The following ZC3H6 variants were observed in gnomAD, a reference collection of about 807,000 sequenced individuals.
The protein encoded by ZC3H6 is zinc finger CCCH-type containing 6.
ZC3H6 carries 40 observed loss-of-function variants against 107.7 expected under a neutral mutation model. That is an observed-to-expected ratio of 0.37 (90% CI 0.29 to 0.48). The LOEUF (loss-of-function observed/expected upper bound fraction) is 0.48, where lower values mean the gene tolerates loss of function less well. Ranked by LOEUF, ZC3H6 falls within the 20% of genes least tolerant of loss-of-function variation. The pLI is 0.98. For synonymous variants in ZC3H6, 493 were observed against 487.9 expected (o/e 1.01, Z -0.14); for missense variants, 1,267 against 1,410.4 (o/e 0.90, Z 1.63).
intron 1 of ZC3H6, among the ~76,000 whole-genome samples, chr2:112,289,580 C>G (rs1676060587): frequency 6.6e-6 from 1 of 152,118 alleles, no homozygotes; most frequent in South Asian, 2.1e-4. Context: ...CTGCCTCGGC[C>G]TCCCAAAGTG....
In ZC3H6 at chr2:112,324,277, A is replaced by G. The variant is rs774133004; in HGVS notation, c.1466A>G (p.His489Arg). 6.2e-7 allele frequency: 1 copy of G among 1,613,982 alleles called. No individual in the cohort carries two copies. Among genetic ancestry groups the G allele is most frequent in the Admixed American group, 1.7e-5 (1 of 60,028 alleles). ...PGPGPNMSQGHSSPVMHPGSP... is the reference protein window; with the variant it reads ...PGPGPNMSQGRSSPVMHPGSP... ...CCTGGACCTAACATGTCTCAGGGACACAGTAGTCCTGTGATGCACCCAGGC... is the reference window on the plus strand; with the variant it reads ...CCTGGACCTAACATGTCTCAGGGACGCAGTAGTCCTGTGATGCACCCAGGC... Residue 489 changes from histidine to arginine, a missense_variant, in exon 10 of 12, where the codon CAC becomes CGC. His to Arg is a conservative substitution (Grantham distance 29). Around this residue, in one of 3 missense-constraint regions of ZC3H6, gnomAD observed 925 missense variants for 1,025.7 expected, o/e 0.90. Coordinates refer to ENST00000409871, the MANE Select transcript of ZC3H6 (RefSeq NM_198581.3).
chr2:112,320,868 T>G (rs1216514411), intron 7 of ZC3H6, among the ~76,000 whole-genome samples: 1 of 152,152 alleles, frequency 6.6e-6, no homozygotes, highest in African/African-American at 2.4e-5. Context: ...TTAATGATAG[T>G]GCCTTTTTGT....
At chr2:112,308,404 T>TTTTATTTATTTATTTA (rs370414380) in intron 3 of ZC3H6, among the ~76,000 whole-genome samples, 1,518 of 138,300 alleles carry the variant, frequency 0.011, 37 homozygotes, top group African/African-American at 0.039. Context: ...TTTTATTTTA[T>TTTTATTTATTTATTTA]TTTATTTATT....
intron 1 of ZC3H6, among the ~76,000 whole-genome samples, chr2:112,295,373 G>A (rs1573951519): frequency 1.3e-5 from 2 of 152,046 alleles, no homozygotes; most frequent in African/African-American, 4.8e-5. Flanking sequence ...TTATATAATA[G>A]TATTAAGCTA....
rs139398296 is a variant in ZC3H6 at position 112,330,938 on chromosome 2, TATA to T, written c.2087-61_2087-59del. ...TATAAAGAATAATTTATAATTATAA[TATA>T]ATAATTTTATTATATTATAAGTTTA... On this transcript the variant is annotated intron_variant, in intron 11 of 11. Coordinates refer to ENST00000409871, the MANE Select transcript of ZC3H6 (RefSeq NM_198581.3). The T allele has an allele frequency of 5.9e-4, 383 of 646,796 alleles. 3 individuals carry two copies. Among genetic ancestry groups the T allele is most frequent in the South Asian group, 3.4e-3 (44 of 12,966 alleles). The allele number at this position is 646,796 out of a possible 1,614,324, so 40.1% of individuals were successfully genotyped here.
chr2:112,284,926 A>G (rs998805278), intron 1 of ZC3H6, among the ~76,000 whole-genome samples: 4 of 152,106 alleles, frequency 2.6e-5, no homozygotes, highest in African/African-American at 7.2e-5. Flanking sequence ...AAAAAGGAAG[A>G]AAAAAAATTC....
intron 2 of ZC3H6, among the ~76,000 whole-genome samples, chr2:112,302,389 A>G (rs1301454777): frequency 6.6e-6 from 1 of 152,150 alleles, no homozygotes; most frequent in East Asian, 1.9e-4. Context: ...TCTTTCCTAA[A>G]ATAACATTTC....
intron 7 of ZC3H6, among the ~76,000 whole-genome samples, chr2:112,318,372 T>C (rs1422009814): frequency 6.6e-6 from 1 of 152,086 alleles, no homozygotes; most frequent in Non-Finnish European, 1.5e-5. Flanking sequence ...AGATAAATAA[T>C]GAAGTGAGAA....
rs1321505385 is a variant in ZC3H6 at position 112,311,814 on chromosome 2, G to A, written c.624G>A (p.Gln208=). 1.2e-6 allele frequency: 2 copies of A among 1,610,664 alleles called. No individual in the cohort carries two copies. The highest frequency in any genetic ancestry group is 2.2e-5 in the East Asian group (1 of 44,822). ...RMKGVQQGIE[Q]RVKSFNVGRG... ...TTTTAACTTTTCTAGGTATTGAACA[G>A]AGAGTTAAAAGTTTTAATGTTGGTC... Residue 208 remains glutamine (Q), a synonymous_variant, in exon 5 of 12, where the codon CAG becomes CAA. Transcript: ENST00000409871.
intron 11 of ZC3H6, among the ~76,000 whole-genome samples, chr2:112,328,255 G>T (rs560807642): frequency 1.2e-3 from 183 of 152,258 alleles, no homozygotes; most frequent in Middle Eastern, 6.8e-3. Context: ...AGTATAATTT[G>T]ACCAGGTAAT....
intron 11 of ZC3H6, 94 bp downstream of exon 11, chr2:112,325,291 C>A: frequency 2.6e-6 from 3 of 1,163,428 alleles, no homozygotes; most frequent in East Asian, 2.5e-5. Flanking sequence ...GTCAGGAGTT[C>A]GAGACCAACC....
At chr2:112,311,185 T>G (rs1676585020) in intron 4 of ZC3H6, among the ~76,000 whole-genome samples, 1 of 152,170 alleles carries the variant, frequency 6.6e-6, no homozygotes, top group Non-Finnish European at 1.5e-5. Context: ...TCCCAGCTAC[T>G]CAGGAAGCTG....
intron 5 of ZC3H6, among the ~76,000 whole-genome samples, chr2:112,312,843 G>C (rs1487815478): frequency 1.4e-5 from 2 of 146,236 alleles, no homozygotes; most frequent in Non-Finnish European, 3.0e-5. Flanking sequence ...CTGGGTGACA[G>C]AGCGAGACTC....
At chr2:112,305,506 T>C (rs931085731) in intron 3 of ZC3H6, among the ~76,000 whole-genome samples, 3 of 152,252 alleles carry the variant, frequency 2.0e-5, no homozygotes, top group Non-Finnish European at 2.9e-5. Flanking sequence ...CTGACTATTA[T>C]ATATCCCTGT....
chr2:112,334,210 G>A lies in ZC3H6; in HGVS notation c.*1722G>A, dbSNP rs1179807539. 2 of 151,958 alleles carry A rather than the reference G, an allele frequency of 1.3e-5. No individual in the cohort carries two copies. Among genetic ancestry groups the A allele is most frequent in the South Asian group, 2.1e-4 (1 of 4,826 alleles). The allele number at this position is 151,958 out of a possible 1,614,324, so 9.4% of individuals were successfully genotyped here. A position where few individuals can be genotyped will look rare whatever the true frequency, so the allele number is the denominator to read the frequency against. ...ATTTACTGTCCAAATGAATTTTGTTGTTAATTGAGAAGTCAATAAAATGGA... is the reference window on the plus strand; with the variant it reads ...ATTTACTGTCCAAATGAATTTTGTTATTAATTGAGAAGTCAATAAAATGGA... On this transcript the variant is annotated 3_prime_UTR_variant, in exon 12 of 12. Transcript: ENST00000409871.
At chr2:112,287,740 T>C (rs1686633723) in intron 1 of ZC3H6, among the ~76,000 whole-genome samples, 1 of 152,194 alleles carries the variant, frequency 6.6e-6, no homozygotes, top group African/African-American at 2.4e-5. Context: ...TAGCTGGGAC[T>C]ACAGGCGCAT....
chr2:112,314,979 A>G (rs1676669798), intron 5 of ZC3H6, among the ~76,000 whole-genome samples: 2 of 152,180 alleles, frequency 1.3e-5, no homozygotes, highest in South Asian at 4.1e-4. Context: ...GCTGGGGATC[A>G]GATTTCAATT....
chr2:112,315,175 G>GTT (rs1313222890), intron 5 of ZC3H6, among the ~76,000 whole-genome samples: 1 of 152,040 alleles, frequency 6.6e-6, no homozygotes, highest in Non-Finnish European at 1.5e-5. Flanking sequence ...GAAAAATAAT[G>GTT]TTGTTTTTTA....
At chr2:112,312,171 T>C in intron 5 of ZC3H6, 1 of 416,408 alleles carries the variant, frequency 2.4e-6, no homozygotes, top group Non-Finnish European at 4.2e-6. Context: ...AACCTCAAAA[T>C]AAAATTGCTA....
Sources: gnomAD v4.1 joint callset for allele counts (sites outside exome capture counted in the v4.1 genomes callset) on GRCh38, gnomAD v4.1.1 for gene constraint, gnomAD v4.1.1 regional missense constraint, MANE v1.5 for transcripts, NCBI Gene and HGNC (gene_info 2026-07-23, HGNC 2026-07-21) for gene names.